GALNT3: variants seen among roughly 807,000 people sequenced by gnomAD.
GALNT3 encodes the protein polypeptide N-acetylgalactosaminyltransferase 3, also known as GalNAc transferase 3.
GALNT3 carries 51 observed loss-of-function variants against 69.8 expected under a neutral mutation model. That is an observed-to-expected ratio of 0.73 (90% CI 0.58 to 0.92). GALNT3 has a LOEUF of 0.92. Among genes scored for constraint, GALNT3 ranks in the 40% least tolerant of loss-of-function variants. The pLI is 0.00. For synonymous variants in GALNT3, 265 were observed against 248.5 expected, an observed-to-expected ratio of 1.07 and a Z score of -0.63; for missense variants, 711 against 760.0, an observed-to-expected ratio of 0.94 and a Z score of 0.76.
Position 165,758,382 on chromosome 2 carries a change from T to C in GALNT3, c.1191+365A>G, listed in dbSNP as rs3762551. Among the ~76,000 whole-genome samples, 194 of 152,292 alleles carry C rather than the reference T, an allele frequency of 1.3e-3. 3 individuals are homozygous for C. The East Asian group carries it at 0.036, about 28-fold the overall frequency. On this transcript the variant is annotated intron_variant, in intron 6 of 10. Coordinates refer to ENST00000392701, the MANE Select transcript of GALNT3 (RefSeq NM_004482.4). ...TCATTCCAAACAGTTAAGTCCAATG[T>C]CCTTTAAAATTATTCATAAATGTTT...
In GALNT3 at chr2:165,770,464, T is replaced by C. The variant is rs769834937; in HGVS notation, c.237A>G (p.Lys79=). 1.2e-6 allele frequency: 2 copies of C among 1,614,236 alleles called. No homozygotes were observed. The highest frequency in any genetic ancestry group is 2.2e-5 in the South Asian group (2 of 91,092). The change falls in exon 2 of 11, where the codon AAA becomes AAG. Residue 79 remains lysine (K), a synonymous_variant. Coordinates refer to ENST00000392701, the MANE Select transcript of GALNT3 (RefSeq NM_004482.4). Reference sequence around the variant, plus strand: ...GCCTGACAGGTGCTCCTATTTGCATTTTTGGCATGGCATCCTTAATATTGT... The same window carrying C: ...GCCTGACAGGTGCTCCTATTTGCATCTTTGGCATGGCATCCTTAATATTGT... ...AVNNIKDAMP[K]MQIGAPVRQN...
intron 4 of GALNT3, among the ~76,000 whole-genome samples, chr2:165,761,161 AG>A: frequency 6.6e-6 from 1 of 152,088 alleles, no homozygotes; most frequent in Admixed American, 6.5e-5. Flanking sequence ...AAAAAGCAGC[AG>A]TACTAGGACG....
At position 165,759,131 on chromosome 2, in the gene GALNT3, AAG is replaced by A. The variant is rs1688497847; in HGVS notation, c.1073+203_1073+204del. Among the ~76,000 whole-genome samples the A allele has an allele frequency of 2.0e-5, 3 of 152,210 alleles. No homozygotes were observed. The South Asian group carries it at 6.2e-4, about 32-fold the overall frequency. On this transcript the variant is annotated intron_variant, in intron 5 of 10. Coordinates refer to ENST00000392701, the MANE Select transcript of GALNT3 (RefSeq NM_004482.4). ...AAGTAATGATTGATGAGGAAGACAT[AAG>A]AGCTCACTCACTGCTACCTCTTACT...
At chr2:165,776,745 T>A (rs73017459) in intron 1 of GALNT3, among the ~76,000 whole-genome samples, 3,871 of 152,250 alleles carry the variant, frequency 0.025, 189 homozygotes, top group African/African-American at 0.088. Context: ...TAACTGGTTG[T>A]GACACTCGCT....
At chr2:165,756,882 T>C in intron 7 of GALNT3, among the ~76,000 whole-genome samples, 165 bp downstream of exon 7, 1 of 152,228 alleles carries the variant, frequency 6.6e-6, no homozygotes, top group East Asian at 1.9e-4. Context: ...TTTACTTAGT[T>C]TTTTTCTTAA....
intron 9 of GALNT3, among the ~76,000 whole-genome samples, 189 bp from the exon 10 acceptor site, chr2:165,750,083 A>G (rs1187203556): frequency 6.6e-6 from 1 of 152,194 alleles, no homozygotes; most frequent in Non-Finnish European, 1.5e-5. Flanking sequence ...TCCTTCATCA[A>G]CAGGTGGTTA....
In GALNT3 at chr2:165,748,546, T is replaced by A. The variant is rs1688300554; in HGVS notation, c.*235A>T. Reference sequence around the variant, plus strand: ...TTTTCATCATACTGTAAACATCTCTTCCCCTACATCTGGACATTTTGAAAT... The same window carrying A: ...TTTTCATCATACTGTAAACATCTCTACCCCTACATCTGGACATTTTGAAAT... On this transcript the variant is annotated 3_prime_UTR_variant, in exon 11 of 11. Transcript: ENST00000392701. 8 of 517,640 alleles carry A rather than the reference T, an allele frequency of 1.5e-5. No individual in the cohort carries two copies. The East Asian group carries it at 2.6e-4, about 17-fold the overall frequency. 32.1% of individuals were successfully genotyped at this position (517,640 alleles called of 1,614,324 possible). A position where few individuals can be genotyped will look rare whatever the true frequency, so the allele number is the denominator to read the frequency against.
At chr2:165,775,147 A>T (rs1437619534) in intron 1 of GALNT3, among the ~76,000 whole-genome samples, 2 of 151,500 alleles carry the variant, frequency 1.3e-5, no homozygotes, top group African/African-American at 4.8e-5. Context: ...CATTTTTCTA[A>T]CTCTGTTCAA....
chr2:165,785,299 CCAATATAGTTAAATGGGAA>C (rs1663157705), intron 1 of GALNT3, among the ~76,000 whole-genome samples: 1 of 151,378 alleles, frequency 6.6e-6, no homozygotes, highest in Non-Finnish European at 1.5e-5. Context: ...TGAAATGATC[CCAATATAGTTAAATGGGAA>C]CAAAAAAAGC....
At chr2:165,790,020 CAG>C (rs1683310598) in intron 1 of GALNT3, among the ~76,000 whole-genome samples, 2 of 152,078 alleles carry the variant, frequency 1.3e-5, no homozygotes, top group African/African-American at 4.8e-5. Flanking sequence ...AAATAGAATA[CAG>C]AGAGTGAGCA....
At chr2:165,750,870 G>A (rs1353257685) in intron 9 of GALNT3, among the ~76,000 whole-genome samples, 1 of 152,062 alleles carries the variant, frequency 6.6e-6, no homozygotes, top group Non-Finnish European at 1.5e-5. Flanking sequence ...TCCTCTGCCT[G>A]GAATACACTT....
At chr2:165,784,857 A>G (rs1683186380) in intron 1 of GALNT3, among the ~76,000 whole-genome samples, 1 of 152,244 alleles carries the variant, frequency 6.6e-6, no homozygotes, top group Admixed American at 6.5e-5. Context: ...ATGATGGGTC[A>G]CATCTGAAAA....
At position 165,759,512 on chromosome 2, in the gene GALNT3, C is replaced by G; in HGVS notation, c.897G>C (p.Thr299=). The G allele has an allele frequency of 6.2e-7, 1 of 1,613,998 alleles. No homozygotes were observed. The highest frequency in any genetic ancestry group is 8.5e-7 in the Non-Finnish European group (1 of 1,180,008). Residue 299 remains threonine, a synonymous_variant, in exon 5 of 11, where the codon ACG becomes ACC. Transcript: ENST00000392701. ...ATGCAATATCTGGACTTACGACAGC[C>G]GTGTAGTTCTCAGCTATTCTGGCCA... The part of the protein sequence containing the change: ...PLLARIAENY[T]AVVSPDIASI...
Position 165,748,835 on chromosome 2 carries a change from C to T in GALNT3, c.1848G>A (p.Val616=). Residue 616 remains valine, a synonymous_variant, in exon 11 of 11, where the codon GTG becomes GTA. Transcript: ENST00000392701. Reference sequence around the variant, plus strand: ...GGAGTGGATCTGATGGGTTGCATGACACTAAACTTGGATGCTCTCCATTTG... The same window carrying T: ...GGAGTGGATCTGATGGGTTGCATGATACTAAACTTGGATGCTCTCCATTTG... ...LSANGEHPSL[V]SCNPSDPLQK... 6.2e-7 allele frequency: 1 copy of T among 1,611,840 alleles called. No homozygotes were observed. Among genetic ancestry groups the T allele is most frequent in the Admixed American group, 1.7e-5 (1 of 59,820 alleles).
chr2:165,758,976 TATTCAG>T, intron 5 of GALNT3, 112 bp from the exon 6 acceptor site: 2 of 785,388 alleles, frequency 2.5e-6, no homozygotes, highest in Non-Finnish European at 4.4e-6. Flanking sequence ...TCAAAGCTTT[TATTCAG>T]ATTAATAAAA....
intron 10 of GALNT3, 44 bp from the exon 11 acceptor site, chr2:165,748,947 A>G (rs1426344740): frequency 6.4e-7 from 1 of 1,572,356 alleles, no homozygotes; most frequent in South Asian, 1.1e-5. Flanking sequence ...CAAGACTCAT[A>G]GTTAAGTGAC....
rs1559002160 is a variant in GALNT3, at chr2:165,770,685, GC to G, written c.15del (p.Lys5AsnfsTer3). The G allele has an allele frequency of 6.2e-7, 1 of 1,603,586 alleles. No homozygotes were observed. ...CTTTTAATGTGTAATTTTACTAGTC[GC>G]TTTAGGTGAGCCATTCTGACATTAA... Reference protein sequence around the residue: MAHLKRLVKLHIKRH... With the variant: MAHLXRLVKLHIKRH... On this transcript the variant is annotated frameshift_variant, in exon 2 of 11. Transcript: ENST00000392701. LOFTEE classifies it high-confidence loss of function.
Position 165,759,342 on chromosome 2 carries a change from G to A in GALNT3, c.1067C>T (p.Pro356Leu). The A allele has an allele frequency of 6.2e-7, 1 of 1,611,148 alleles. No homozygotes were observed. The highest frequency in any genetic ancestry group is 8.5e-7 in the Non-Finnish European group (1 of 1,177,736). ...CTGAGAGCAATCATCTTACTTAATT[G>A]GGTAGGTTTCATCTTTCCTTCTTTG... The part of the protein sequence containing the change: ...EKQRRKDETY[P>L]IKTPTFAGGL... The change falls in exon 5 of 11, where the codon CCA (proline) becomes CTA (leucine). Residue 356 changes from proline (P) to leucine (L), a missense_variant. Coordinates refer to ENST00000392701, the MANE Select transcript of GALNT3 (RefSeq NM_004482.4).
rs1048843900 is a variant in GALNT3 at position 165,762,714 on chromosome 2, T to C, written c.689-660A>G. On this transcript the variant is annotated intron_variant, in intron 3 of 10. Transcript: ENST00000392701. ...ACTTTAAGATATTCAATATACCAAA[T>C]TGGATAAGGTTTGTAATAAGCAAAA... Among the ~76,000 whole-genome samples, 6 of 152,226 alleles carry C rather than the reference T, an allele frequency of 3.9e-5. No individual in the cohort carries two copies. The South Asian group carries it at 6.2e-4, about 16-fold the overall frequency.
Sources: gnomAD v4.1 joint callset for allele counts (sites outside exome capture counted in the v4.1 genomes callset) on GRCh38, gnomAD v4.1.1 for gene constraint, MANE v1.5 for transcripts, NCBI Gene and HGNC (gene_info 2026-07-23, HGNC 2026-07-21) for gene names.